The following SPHKAP variants were observed in gnomAD, a reference collection of about 807,000 sequenced individuals.
SPHKAP encodes A-kinase anchor protein SPHKAP.
SPHKAP carries 67 observed loss-of-function variants against 137.5 expected under a neutral mutation model. The observed-to-expected ratio is 0.49, with a 90% CI of 0.40 to 0.60. The LOEUF (loss-of-function observed/expected upper bound fraction) is 0.60. SPHKAP is among the 20% of genes least tolerant of loss of function. The pLI, the probability that SPHKAP is intolerant of heterozygous loss-of-function variation, is 0.00. For missense variants in SPHKAP, 2,097 were observed against 2,069.3 expected (o/e 1.01, Z -0.26); for synonymous variants, 813 against 785.3 (o/e 1.04, Z -0.59).
chr2:227,993,888 TCA>T, intron 8 of SPHKAP: 1 of 219,798 alleles, frequency 4.5e-6, no homozygotes, highest in Non-Finnish European at 7.7e-6. Context: ...TGAAGTGGTA[TCA>T]CAACTGGTAG....
intron 3 of SPHKAP, among the ~76,000 whole-genome samples, chr2:228,059,466 C>G (rs1375783358): frequency 6.6e-6 from 1 of 152,198 alleles, no homozygotes; most frequent in African/African-American, 2.4e-5. Flanking sequence ...CAGTCATGGT[C>G]TTGCAGAGGA....
At chr2:228,157,243 C>T (rs4513278) in intron 1 of SPHKAP, among the ~76,000 whole-genome samples, 1 of 152,026 alleles carries the variant, frequency 6.6e-6, no homozygotes, top group Non-Finnish European at 1.5e-5. Flanking sequence ...CATTAATAAA[C>T]ACATTCAGAG....
In SPHKAP at chr2:228,016,769, A is replaced by G. The variant is rs1250761841; in HGVS notation, c.4085T>C (p.Leu1362Pro). 4.3e-6 allele frequency: 7 copies of G among 1,614,110 alleles called. No individual in the cohort carries two copies. Among genetic ancestry groups the G allele is most frequent in the Non-Finnish European group, 5.9e-6 (7 of 1,180,014 alleles). ...AASRMCSGPT[L>P]LVQESLDCPR... ...GCAATCGAGAGACTCCTGAACAAGC[A>G]GAGTTGGCCCACTGCACATCCTGCT... is the stretch of plus-strand genomic sequence containing the variant. Residue 1362 changes from leucine (L) to proline (P), a missense_variant, in exon 7 of 12, where the codon CTG (leucine) becomes CCG (proline). Coordinates refer to ENST00000392056, the MANE Select transcript of SPHKAP (RefSeq NM_001142644.2).
chr2:228,118,245 T>G (rs974157082), intron 2 of SPHKAP, among the ~76,000 whole-genome samples: 10 of 65,304 alleles, frequency 1.5e-4, no homozygotes, highest in South Asian at 3.9e-4. Context: ...ACACAGTTTT[T>G]TTTTTTTTTT....
At position 228,019,150 on chromosome 2, in the gene SPHKAP, C is replaced by T; in HGVS notation, c.1704G>A (p.Val568=). 3 of 1,613,842 alleles carry T rather than the reference C, an allele frequency of 1.9e-6. No homozygotes were observed. The highest frequency in any genetic ancestry group is 2.5e-6 in the Non-Finnish European group (3 of 1,180,030). The change falls in exon 7 of 12, where the codon GTG becomes GTA. Residue 568 remains valine (V), a synonymous_variant. Coordinates refer to ENST00000392056, the MANE Select transcript of SPHKAP (RefSeq NM_001142644.2). The part of the protein sequence containing the change: ...LCGMTQVASA[V]AVCGLGEREE... ...CTCTTTCACCCAGACCACAGACAGC[C>T]ACGGCACTGGCCACCTGAGTCATGC...
At chr2:228,039,477 A>C (rs1356352014) in intron 3 of SPHKAP, among the ~76,000 whole-genome samples, 2 of 152,210 alleles carry the variant, frequency 1.3e-5, no homozygotes, top group African/African-American at 2.4e-5. Context: ...CCAAGTAATC[A>C]CAGTGATTAC....
intron 3 of SPHKAP, among the ~76,000 whole-genome samples, chr2:228,079,622 A>C (rs1238278285): frequency 6.6e-6 from 1 of 152,214 alleles, no homozygotes; most frequent in Non-Finnish European, 1.5e-5. Context: ...TGCCAGGGCC[A>C]TTCCAGTGCC....
In SPHKAP at chr2:227,995,538, G is replaced by A; in HGVS notation, c.4605C>T (p.Ser1535=). The A allele has an allele frequency of 6.2e-7, 1 of 1,614,128 alleles. No individual in the cohort carries two copies. The change falls in exon 8 of 12, where the codon AGC becomes AGT. Residue 1535 remains serine, a synonymous_variant. Transcript: ENST00000392056. ...NEEDNPDDTS[S]FLQLSERSMS... ...TGGATCGCTCACTGAGCTGGAGAAA[G>A]CTACTTGTGTCATCTGGGTTGTCTT...
chr2:228,155,058 A>G (rs548574701), intron 1 of SPHKAP, among the ~76,000 whole-genome samples: 1 of 152,182 alleles, frequency 6.6e-6, no homozygotes, highest in Admixed American at 6.5e-5. Context: ...GTTAACCTCA[A>G]TTATTGTGGT....
chr2:228,047,558 C>T (rs1449655523), intron 3 of SPHKAP, among the ~76,000 whole-genome samples: 3 of 152,078 alleles, frequency 2.0e-5, no homozygotes, highest in Non-Finnish European at 2.9e-5. Flanking sequence ...GCAAAACATG[C>T]CAAGCCCCAC....
At position 227,986,802 on chromosome 2, in the gene SPHKAP, C is replaced by T. The variant is rs78676210; in HGVS notation, c.4959+4198G>A. The stretch of plus-strand genomic sequence containing the variant: ...GCAGGCTCAAAGATGAGAAAAATAC[C>T]AATTTACTGTGAGAGGCAAGTCATC... On this transcript the variant is annotated intron_variant, in intron 11 of 11. Transcript: ENST00000392056. Among the ~76,000 whole-genome samples the T allele has an allele frequency of 9.1e-3, 1,391 of 152,090 alleles. 22 individuals carry two copies. Among genetic ancestry groups the T allele is most frequent in the African/African-American group, 0.031 (1,271 of 41,486 alleles).
intron 3 of SPHKAP, among the ~76,000 whole-genome samples, chr2:228,088,557 G>A (rs1196244636): frequency 6.6e-6 from 1 of 152,150 alleles, no homozygotes; most frequent in East Asian, 1.9e-4. Flanking sequence ...GAAGTACTAA[G>A]CAATATAGTT....
chr2:228,116,250 C>T (rs1332382356), intron 2 of SPHKAP, among the ~76,000 whole-genome samples: 2 of 152,168 alleles, frequency 1.3e-5, no homozygotes, highest in South Asian at 2.1e-4. Context: ...ATCTCTCTGT[C>T]TTCCTTATCT....
chr2:228,153,518 C>T (rs61325615), intron 1 of SPHKAP, among the ~76,000 whole-genome samples: 35,339 of 152,002 alleles, frequency 0.23, 4,735 homozygotes, highest in East Asian at 0.5. Flanking sequence ...TTTCTTTCAG[C>T]ATGTTGAAAG....
At chr2:228,012,855 T>C (rs1032890469) in intron 7 of SPHKAP, among the ~76,000 whole-genome samples, 5 of 152,256 alleles carry the variant, frequency 3.3e-5, no homozygotes, top group Non-Finnish European at 7.3e-5. Flanking sequence ...CTTTGTGGTC[T>C]CAACTTATCA....
intron 3 of SPHKAP, among the ~76,000 whole-genome samples, chr2:228,087,658 T>G (rs887528038): frequency 4.6e-5 from 7 of 151,998 alleles, no homozygotes; most frequent in Non-Finnish European, 8.8e-5. Flanking sequence ...TATAATAAAA[T>G]GAAAAATTTA....
chr2:228,067,899 A>G (rs2106296841), intron 3 of SPHKAP, among the ~76,000 whole-genome samples: 1 of 152,330 alleles, frequency 6.6e-6, no homozygotes, highest in South Asian at 2.1e-4. Flanking sequence ...AGAAAAGAGA[A>G]AGAAATCAAG....
At chr2:228,170,493 G>T (rs1018412223) in intron 1 of SPHKAP, among the ~76,000 whole-genome samples, 7 of 152,052 alleles carry the variant, frequency 4.6e-5, no homozygotes, top group Non-Finnish European at 8.8e-5. Flanking sequence ...CTTATTTAAA[G>T]AAGTTTGCAC....
intron 9 of SPHKAP, chr2:227,991,958 A>T: frequency 6.4e-6 from 1 of 156,680 alleles, no homozygotes; most frequent in Non-Finnish European, 1.4e-5. Context: ...AGAATGAGGG[A>T]CTCATAACTG....
Sources: gnomAD v4.1 joint callset for allele counts (sites outside exome capture counted in the v4.1 genomes callset) on GRCh38, gnomAD v4.1.1 for gene constraint, MANE v1.5 for transcripts, NCBI Gene and HGNC (gene_info 2026-07-23, HGNC 2026-07-21) for gene names.